FLT1: variants seen among roughly 807,000 people sequenced by gnomAD.
FLT1 encodes the protein fms related receptor tyrosine kinase 1.
Under a neutral mutation model 156.3 loss-of-function variants are expected in FLT1, and 49 were observed. The ratio of observed to expected loss-of-function variants is 0.31; its 90% CI spans 0.25 to 0.40. The LOEUF is 0.40. Among genes scored for constraint, FLT1 ranks in the 10% least tolerant of loss-of-function variants. The pLI is 1.00. For missense variants in FLT1, 1,322 were observed against 1,637.2 expected, an observed-to-expected ratio of 0.81 and a Z score of 3.32; for synonymous variants, 594 against 583.8, an observed-to-expected ratio of 1.02 and a Z score of -0.25.
rs186784252 is a variant in FLT1 at position 28,434,776 on chromosome 13, G to A, written c.514-556C>T. Among the ~76,000 whole-genome samples, 589 of 152,262 alleles carry A rather than the reference G, an allele frequency of 3.9e-3. 8 individuals carry two copies. Among genetic ancestry groups the A allele is most frequent in the African/African-American group, 0.014 (565 of 41,548 alleles). The stretch of plus-strand genomic sequence containing the variant: ...CAGGCGCCTGTAATCCCAGCCTCTC[G>A]GGAGGCTGAGGCAGGAGAATCGCTT... On this transcript the variant is annotated intron_variant, in intron 4 of 29. Coordinates refer to ENST00000282397, the MANE Select transcript of FLT1 (RefSeq NM_002019.4).
At chr13:28,384,234 G>A (rs1244370025) in intron 14 of FLT1, among the ~76,000 whole-genome samples, 1 of 152,094 alleles carries the variant, frequency 6.6e-6, no homozygotes, top group Non-Finnish European at 1.5e-5. Flanking sequence ...AGGAGTTTGA[G>A]ACCAGCCTGG....
intron 17 of FLT1, among the ~76,000 whole-genome samples, chr13:28,337,435 A>G (rs1350969533): frequency 6.6e-6 from 1 of 152,204 alleles, no homozygotes; most frequent in African/African-American, 2.4e-5. Context: ...CATTACTTCA[A>G]ATTACTTTGT....
chr13:28,355,758 C>G (rs1033852105), intron 15 of FLT1, among the ~76,000 whole-genome samples: 5 of 152,220 alleles, frequency 3.3e-5, no homozygotes, highest in Admixed American at 2.6e-4. Flanking sequence ...CTGGAAGGCC[C>G]CACGGTGCTG....
At chr13:28,437,216 G>A (rs906416433) in intron 4 of FLT1, among the ~76,000 whole-genome samples, 32 of 152,188 alleles carry the variant, frequency 2.1e-4, no homozygotes, top group African/African-American at 7.5e-4. Context: ...CACAAATGTA[G>A]TGGAGGCCAA....
intron 10 of FLT1, among the ~76,000 whole-genome samples, chr13:28,421,612 T>A (rs1416447851): frequency 6.6e-6 from 1 of 151,280 alleles, no homozygotes; most frequent in Non-Finnish European, 1.5e-5. Flanking sequence ...TGTACCTCCA[T>A]TTAAGACTTT....
chr13:28,449,403 G>A (rs1232342106), intron 3 of FLT1, among the ~76,000 whole-genome samples: 1 of 152,224 alleles, frequency 6.6e-6, no homozygotes, highest in Non-Finnish European at 1.5e-5. Context: ...CACATGGAAT[G>A]CGCAATTTAA....
At chr13:28,473,522 G>A (rs575348095) in intron 1 of FLT1, among the ~76,000 whole-genome samples, 1 of 151,802 alleles carries the variant, frequency 6.6e-6, no homozygotes, top group African/African-American at 2.4e-5. Context: ...GTGCGCGCCT[G>A]TAGTCCCAGC....
chr13:28,343,563 C>T (rs760570823), intron 16 of FLT1, among the ~76,000 whole-genome samples: 9 of 152,032 alleles, frequency 5.9e-5, no homozygotes, highest in African/African-American at 1.2e-4. Flanking sequence ...GAGTGCCAGG[C>T]GTCCCAAAGT....
chr13:28,333,216 C>T (rs1044870828), intron 18 of FLT1, among the ~76,000 whole-genome samples: 1 of 152,226 alleles, frequency 6.6e-6, no homozygotes, highest in African/African-American at 2.4e-5. Context: ...TCACAGCTTG[C>T]TGGGCTTCAA....
intron 17 of FLT1, 142 bp downstream of exon 17, chr13:28,339,026 T>G: frequency 1.4e-6 from 1 of 693,846 alleles, no homozygotes; most frequent in Non-Finnish European, 2.4e-6. Flanking sequence ...TTTACTTTTG[T>G]GTCCATCTCC....
intron 16 of FLT1, among the ~76,000 whole-genome samples, chr13:28,344,624 C>T (rs1872488979): frequency 6.6e-6 from 1 of 152,022 alleles, no homozygotes; most frequent in Non-Finnish European, 1.5e-5. Context: ...TTCAGAGAAG[C>T]AGATCATATT....
chr13:28,413,718 A>G (rs1235435596), intron 10 of FLT1, among the ~76,000 whole-genome samples: 2 of 152,224 alleles, frequency 1.3e-5, no homozygotes, highest in African/African-American at 4.8e-5. Context: ...AGCTATCATT[A>G]TATTTTGTTC....
At chr13:28,482,428 CA>C (rs942663276) in intron 1 of FLT1, among the ~76,000 whole-genome samples, 1 of 142,014 alleles carries the variant, frequency 7.0e-6, no homozygotes, top group Non-Finnish European at 1.5e-5. Flanking sequence ...AACTCCATCT[CA>C]AAAAAAAGCC....
At chr13:28,372,460 T>C (rs1873647993) in intron 14 of FLT1, among the ~76,000 whole-genome samples, 1 of 150,864 alleles carries the variant, frequency 6.6e-6, no homozygotes, top group Non-Finnish European at 1.5e-5. Flanking sequence ...ACAAGATACA[T>C]ATCAAACAGT....
At chr13:28,487,669 G>A (rs1210002148) in intron 1 of FLT1, among the ~76,000 whole-genome samples, 2 of 152,110 alleles carry the variant, frequency 1.3e-5, no homozygotes, top group Non-Finnish European at 2.9e-5. Context: ...ATGTGTGATC[G>A]GCAGCGGCAC....
intron 14 of FLT1, among the ~76,000 whole-genome samples, chr13:28,363,561 T>A (rs956617148): frequency 6.6e-6 from 1 of 152,196 alleles, no homozygotes; most frequent in East Asian, 1.9e-4. Flanking sequence ...ACAGGTATTA[T>A]AGATTATATA....
intron 14 of FLT1, among the ~76,000 whole-genome samples, chr13:28,363,926 G>C (rs1473595641): frequency 1.3e-5 from 2 of 152,044 alleles, no homozygotes; most frequent in African/African-American, 4.8e-5. Context: ...TTAATTGATG[G>C]CAAAATGATT....
At chr13:28,342,791 A>T (rs909609827) in intron 16 of FLT1, among the ~76,000 whole-genome samples, 2 of 152,308 alleles carry the variant, frequency 1.3e-5, no homozygotes, top group Non-Finnish European at 2.9e-5. Flanking sequence ...GACATACTAC[A>T]TAAAGAGCTT....
chr13:28,385,842 G>A (rs1593730975), intron 13 of FLT1: 1 of 1,051,940 alleles, frequency 9.5e-7, no homozygotes, highest in Non-Finnish European at 1.1e-6. Flanking sequence ...TACCCCCAAG[G>A]CCCCCAATGA....
Sources: gnomAD v4.1 joint callset for allele counts (sites outside exome capture counted in the v4.1 genomes callset) on GRCh38, gnomAD v4.1.1 for gene constraint, MANE v1.5 for transcripts, NCBI Gene and HGNC (gene_info 2026-07-23, HGNC 2026-07-21) for gene names.